The following ZMIZ1 variants were observed in gnomAD, a reference collection of about 807,000 sequenced individuals.
ZMIZ1 encodes zinc finger MIZ-type containing 1, also known as zinc finger MIZ domain-containing protein 1.
Under a neutral mutation model 113.9 loss-of-function variants are expected in ZMIZ1, and 17 were observed. The observed-to-expected ratio is 0.15, with a 90% CI of 0.10 to 0.22. ZMIZ1 has a LOEUF of 0.22. Among genes scored for constraint, ZMIZ1 ranks in the 10% least tolerant of loss-of-function variants. The pLI, the probability that ZMIZ1 is intolerant of heterozygous loss-of-function variation, is 1.00. For synonymous variants in ZMIZ1, 607 were observed against 603.1 expected, an observed-to-expected ratio of 1.01 and a Z score of -0.09; for missense variants, 1,059 against 1,477.8, an observed-to-expected ratio of 0.72 and a Z score of 4.65.
intron 1 of ZMIZ1, among the ~76,000 whole-genome samples, chr10:79,101,741 G>T (rs1188715159): frequency 6.6e-6 from 1 of 152,128 alleles, no homozygotes; most frequent in Non-Finnish European, 1.5e-5. Flanking sequence ...TGGCAGGTGC[G>T]TTCCATCATC....
At chr10:79,261,418 G>A (rs1851262198) in intron 7 of ZMIZ1, among the ~76,000 whole-genome samples, 1 of 152,218 alleles carries the variant, frequency 6.6e-6, no homozygotes, top group Admixed American at 6.5e-5. Flanking sequence ...AGGAGGGAGA[G>A]AGCTGCGTGC....
intron 1 of ZMIZ1, among the ~76,000 whole-genome samples, chr10:79,085,813 G>T (rs1287595771): frequency 6.6e-6 from 1 of 152,152 alleles, no homozygotes; most frequent in Non-Finnish European, 1.5e-5. Flanking sequence ...GTGCCCAGTG[G>T]CCAGGGACCT....
intron 1 of ZMIZ1, among the ~76,000 whole-genome samples, chr10:79,116,836 C>T (rs1844054598): frequency 6.6e-6 from 1 of 152,236 alleles, no homozygotes; most frequent in Non-Finnish European, 1.5e-5. Flanking sequence ...TCACTGCCCC[C>T]TCAAGGATAC....
At chr10:79,305,689 G>A (rs1854637725) in intron 21 of ZMIZ1, 88 bp downstream of exon 21, 3 of 1,353,442 alleles carry the variant, frequency 2.2e-6, no homozygotes, top group African/African-American at 1.4e-5. Context: ...CCCTGACACA[G>A]CCCTCCCCTC....
At position 79,261,683 on chromosome 10, in the gene ZMIZ1, C is replaced by T. The variant is rs118175632; in HGVS notation, c.281-15498C>T. ...AGCAAGTGGTGTTGCTGAGAGATGC[C>T]GGGCAGGGGACAACAATGCCCTCTC... On this transcript the variant is annotated intron_variant, in intron 7 of 24. Coordinates refer to ENST00000334512, the MANE Select transcript of ZMIZ1 (RefSeq NM_020338.4). Among the ~76,000 whole-genome samples the T allele has an allele frequency of 1.2e-3, 176 of 152,312 alleles. 1 individual carries two copies. The East Asian group carries it at 0.027, about 24-fold the overall frequency.
At chr10:79,227,849 G>A (rs2008036803) in intron 7 of ZMIZ1, among the ~76,000 whole-genome samples, 1 of 152,196 alleles carries the variant, frequency 6.6e-6, no homozygotes, top group African/African-American at 2.4e-5. Flanking sequence ...AGACAGCAGA[G>A]GTTTAGATGG....
At chr10:79,312,531 G>T in intron 24 of ZMIZ1, 111 bp from the exon 25 acceptor site, 1 of 1,131,314 alleles carries the variant, frequency 8.8e-7, no homozygotes, top group Admixed American at 1.9e-5. Flanking sequence ...TTTTGGCTAG[G>T]GTCCTGAGAG....
At chr10:79,220,516 C>T (rs1405665803) in intron 7 of ZMIZ1, among the ~76,000 whole-genome samples, 1 of 152,216 alleles carries the variant, frequency 6.6e-6, no homozygotes, top group Non-Finnish European at 1.5e-5. Context: ...GAGCTCGCTC[C>T]AGCCCCCAAG....
chr10:79,305,403 C>T, intron 20 of ZMIZ1, 130 bp from the exon 21 acceptor site: 1 of 1,224,604 alleles, frequency 8.2e-7, no homozygotes. Context: ...CGGTCAGAGT[C>T]CCCCTCTCTT....
intron 1 of ZMIZ1, among the ~76,000 whole-genome samples, chr10:79,070,062 C>T (rs1355341871): frequency 2.0e-5 from 3 of 151,676 alleles, no homozygotes; most frequent in East Asian, 2.0e-4. Flanking sequence ...TTCTTTCTTC[C>T]TCTCCGTCTC....
chr10:79,164,914 G>A (rs11595549), intron 4 of ZMIZ1, among the ~76,000 whole-genome samples: 29,080 of 152,106 alleles, frequency 0.19, 3,148 homozygotes, highest in Middle Eastern at 0.24. Flanking sequence ...CCTTCCCAAA[G>A]GTCCCAGGGG....
At chr10:79,125,352 A>G (rs879561955) in intron 2 of ZMIZ1, among the ~76,000 whole-genome samples, 2 of 152,192 alleles carry the variant, frequency 1.3e-5, no homozygotes, top group Non-Finnish European at 2.9e-5. Flanking sequence ...CATGGTGGGT[A>G]CAGAGGCTAG....
chr10:79,253,493 G>A (rs570690674), intron 7 of ZMIZ1, among the ~76,000 whole-genome samples: 1 of 152,148 alleles, frequency 6.6e-6, no homozygotes, highest in African/African-American at 2.4e-5. Flanking sequence ...TGTCTTGGGC[G>A]TTTCTAGAGT....
At chr10:79,221,999 G>T (rs76430842) in intron 7 of ZMIZ1, among the ~76,000 whole-genome samples, 3 of 152,230 alleles carry the variant, frequency 2.0e-5, no homozygotes, top group South Asian at 2.1e-4. Context: ...TGGAGCTTCC[G>T]CAGGATGTCC....
chr10:79,295,957 C>G (rs1028387147), intron 12 of ZMIZ1: 1 of 153,504 alleles, frequency 6.5e-6, no homozygotes, highest in Non-Finnish European at 1.5e-5. Context: ...GGCAGGTTGT[C>G]GATGGCCCAG....
chr10:79,181,650 T>A (rs1847126364), intron 4 of ZMIZ1, among the ~76,000 whole-genome samples: 1 of 152,208 alleles, frequency 6.6e-6, no homozygotes, highest in Admixed American at 6.5e-5. Context: ...CTCTAGGCCC[T>A]GGCTGTCCAG....
chr10:79,222,417 C>T (rs1046107495), intron 7 of ZMIZ1, among the ~76,000 whole-genome samples: 10 of 152,202 alleles, frequency 6.6e-5, no homozygotes, highest in Non-Finnish European at 1.5e-4. Context: ...GCCCTGTGGA[C>T]ATGAGTGTTT....
chr10:79,312,932 C>T lies in ZMIZ1; in HGVS notation c.*183C>T. ...GAGGGGTAGGGAGGGTGCACCAGTG[C>T]ACCAGGAAGGCTGTGTGGGTCTGGA... On this transcript the variant is annotated 3_prime_UTR_variant, in exon 25 of 25. Coordinates refer to ENST00000334512, the MANE Select transcript of ZMIZ1 (RefSeq NM_020338.4). The T allele has an allele frequency of 5.0e-6, 3 of 605,410 alleles. No homozygotes were observed. Among genetic ancestry groups the T allele is most frequent in the Non-Finnish European group, 8.7e-6 (3 of 344,354 alleles). The allele number at this position is 605,410 out of a possible 1,614,324, so 37.5% of individuals were successfully genotyped here.
rs190950766 is a variant in ZMIZ1 at position 79,248,528 on chromosome 10, G to A, written c.281-28653G>A. ...TGCTGCTGAGTAGCAGGCAGGAATC[G>A]GGCATAGAAGTTGGGAGTAGTGCGA... On this transcript the variant is annotated intron_variant, in intron 7 of 24. Coordinates refer to ENST00000334512, the MANE Select transcript of ZMIZ1 (RefSeq NM_020338.4). Among the ~76,000 whole-genome samples the A allele has an allele frequency of 1.6e-4, 25 of 152,304 alleles. No homozygotes were observed. The East Asian group carries it at 4.6e-3, about 28-fold the overall frequency.
Sources: gnomAD v4.1 joint callset for allele counts (sites outside exome capture counted in the v4.1 genomes callset) on GRCh38, gnomAD v4.1.1 for gene constraint, MANE v1.5 for transcripts, NCBI Gene and HGNC (gene_info 2026-07-23, HGNC 2026-07-21) for gene names.